CLIC5: variants seen among roughly 807,000 people sequenced by gnomAD.
CLIC5 encodes the protein CLIC family member 5, also known as chloride intracellular channel protein 5.
In CLIC5, 20 loss-of-function variants were observed where a neutral mutation model predicts 24.7. The ratio of observed to expected loss-of-function variants is 0.81; its 90% confidence interval spans 0.57 to 1.18. The LOEUF (loss-of-function observed/expected upper bound fraction) is 1.18. Among genes scored for constraint, CLIC5 ranks in the 50% most tolerant of loss-of-function variants. The pLI is 0.00. For missense variants in CLIC5, 341 were observed against 326.1 expected (o/e 1.05, Z -0.35); for synonymous variants, 159 against 135.6 (o/e 1.17, Z -1.20).
At chr6:45,943,340 A>C (rs1336528941) in intron 3 of CLIC5, among the ~76,000 whole-genome samples, 2 of 151,528 alleles carry the variant, frequency 1.3e-5, no homozygotes, top group East Asian at 3.9e-4. Flanking sequence ...GTCTCCATCC[A>C]TCAGGAGGGG....
intron 1 of CLIC5, among the ~76,000 whole-genome samples, chr6:46,031,845 T>A (rs1203846918): frequency 6.7e-6 from 1 of 149,776 alleles, no homozygotes; most frequent in African/African-American, 2.4e-5. Flanking sequence ...ATTTCATCTT[T>A]GTAAAATATA....
chr6:46,049,850 A>T (rs1768054797), intron 1 of CLIC5, among the ~76,000 whole-genome samples: 3 of 152,220 alleles, frequency 2.0e-5, no homozygotes, highest in Admixed American at 2.0e-4. Flanking sequence ...CCAAAATGGG[A>T]AATGCTGAGT....
chr6:46,056,225 G>A (rs188963819), intron 1 of CLIC5, among the ~76,000 whole-genome samples: 33 of 152,248 alleles, frequency 2.2e-4, no homozygotes, highest in Admixed American at 1.6e-3. Flanking sequence ...CCTCTTGTAT[G>A]GTGTTTTTTG....
At chr6:46,089,433 C>A in the CLIC5 span, among the ~76,000 whole-genome samples, 2 of 151,974 alleles carry the variant, frequency 1.3e-5, no homozygotes, top group African/African-American at 4.8e-5. Context: ...CATTCTAGAA[C>A]CCTATGCAAT....
intron 2 of CLIC5, among the ~76,000 whole-genome samples, chr6:45,951,555 T>C (rs1200232294): frequency 6.6e-6 from 1 of 151,914 alleles, no homozygotes; most frequent in African/African-American, 2.4e-5. Flanking sequence ...CTGGTCAGAA[T>C]GCAAGAGCAA....
intron 1 of CLIC5, among the ~76,000 whole-genome samples, chr6:45,971,835 C>T (rs1219729121): frequency 6.6e-6 from 1 of 152,094 alleles, no homozygotes. Context: ...AGAGAAGAGG[C>T]CTGCTGAAGA....
Position 45,914,415 on chromosome 6 carries a change from A to G in CLIC5, c.407-6T>C, listed in dbSNP as rs1226494851. The G allele has an allele frequency of 1.9e-6, 3 of 1,560,198 alleles. No homozygotes were observed. The highest frequency in any genetic ancestry group is 2.6e-6 in the Non-Finnish European group (3 of 1,143,548). On this transcript the variant is annotated splice_region_variant and splice_polypyrimidine_tract_variant and intron_variant, in intron 4 of 5. Coordinates refer to ENST00000339561, the MANE Select transcript of CLIC5 (RefSeq NM_016929.5). ...GGTTAGGCCTCTTTCAAGAGCTGGC[A>G]TGAAAGAGTAAAAGGGCCTTTATTC... is the stretch of plus-strand genomic sequence containing the variant.
At chr6:46,040,064 A>T (rs544328752) in intron 1 of CLIC5, among the ~76,000 whole-genome samples, 3 of 152,214 alleles carry the variant, frequency 2.0e-5, no homozygotes, top group Non-Finnish European at 4.4e-5. Flanking sequence ...GCATACAGCT[A>T]TTATACTTAA....
intron 1 of CLIC5, among the ~76,000 whole-genome samples, chr6:46,069,088 G>C (rs1405156699): frequency 6.6e-6 from 1 of 152,150 alleles, no homozygotes; most frequent in African/African-American, 2.4e-5. Flanking sequence ...TTGAAAGAGG[G>C]CAACTGGAGC....
At chr6:46,109,131 TATTA>T in the CLIC5 span, among the ~76,000 whole-genome samples, 7 of 152,214 alleles carry the variant, frequency 4.6e-5, no homozygotes, top group Non-Finnish European at 7.3e-5. Flanking sequence ...CAACTTTTCT[TATTA>T]ATTGTGTCTT....
At chr6:45,918,866 G>A (rs1420748822) in intron 4 of CLIC5, 5 of 766,424 alleles carry the variant, frequency 6.5e-6, no homozygotes, top group South Asian at 1.2e-4. Flanking sequence ...AACACACAAT[G>A]AGGCTATTGA....
upstream of CLIC5, among the ~76,000 whole-genome samples, chr6:46,082,289 A>G (rs1762940730): frequency 6.6e-6 from 1 of 152,240 alleles, no homozygotes; most frequent in Non-Finnish European, 1.5e-5. Context: ...GCCCAAGATC[A>G]AACAGATATT....
intron 3 of CLIC5, among the ~76,000 whole-genome samples, chr6:45,946,510 A>G (rs926408788): frequency 6.6e-6 from 1 of 152,246 alleles, no homozygotes; most frequent in African/African-American, 2.4e-5. Flanking sequence ...AGCTTTTACA[A>G]ATAGTGGTAT....
At position 45,926,415 on chromosome 6, in the gene CLIC5, AT is replaced by A. The variant is rs1230203093; in HGVS notation, c.407-12007del. Among the ~76,000 whole-genome samples the A allele has an allele frequency of 7.0e-3, 988 of 140,758 alleles. 7 individuals are homozygous for A. The highest frequency in any genetic ancestry group is 0.016 in the African/African-American group (603 of 38,604). The allele number at this position is 140,758 out of a possible 152,430, so 92.3% of individuals were successfully genotyped here. On this transcript the variant is annotated intron_variant, in intron 4 of 5. Coordinates refer to ENST00000339561, the MANE Select transcript of CLIC5 (RefSeq NM_016929.5). ...GGCACCCGCCACCACACCCGGCTAA[AT>A]TTTTTTTTTTTTTGTATTTTTAGTA...
chr6:46,070,787 G>C (rs2127474554), intron 1 of CLIC5, among the ~76,000 whole-genome samples: 1 of 152,074 alleles, frequency 6.6e-6, no homozygotes, highest in African/African-American at 2.4e-5. Flanking sequence ...TAAGCAAAAA[G>C]AACAAAGCTG....
chr6:45,965,212 A>C (rs1764978344), intron 1 of CLIC5, among the ~76,000 whole-genome samples: 3 of 152,226 alleles, frequency 2.0e-5, no homozygotes, highest in African/African-American at 7.2e-5. Context: ...TGCATTTACT[A>C]TGAAGGGAGA....
At chr6:45,961,344 T>C (rs1475029837) in intron 1 of CLIC5, among the ~76,000 whole-genome samples, 1 of 152,220 alleles carries the variant, frequency 6.6e-6, no homozygotes, top group Non-Finnish European at 1.5e-5. Context: ...ATACTCCAGT[T>C]CTTTCTTTTT....
At chr6:46,113,101 A>G in the CLIC5 span, among the ~76,000 whole-genome samples, 1 of 152,036 alleles carries the variant, frequency 6.6e-6, no homozygotes, top group African/African-American at 2.4e-5. Flanking sequence ...GTTGTTAAGG[A>G]TGATGTATAT....
rs554296766 is a variant in CLIC5, at chr6:45,904,612, T to C, written c.589-1357A>G. On this transcript the variant is annotated intron_variant, in intron 5 of 5. Transcript: ENST00000339561. ...GGGTAGGGGTAACAGGAGAGTAGTA[T>C]CACTTCTGACTCCCCTCCCTCCCTC... Among the ~76,000 whole-genome samples, 6 of 8,176 alleles carry C rather than the reference T, an allele frequency of 7.3e-4. No homozygotes were observed. The East Asian group carries it at 0.01, about 14-fold the overall frequency. The allele number at this position is 8,176 out of a possible 152,430, so 5.4% of individuals were successfully genotyped here. A position where few individuals can be genotyped will look rare whatever the true frequency, so the allele number is the denominator to read the frequency against.
Sources: allele counts gnomAD v4.1 joint callset (sites outside exome capture counted in the v4.1 genomes callset), GRCh38; gene constraint gnomAD v4.1.1; transcripts MANE v1.5; gene names NCBI Gene and HGNC (gene_info 2026-07-23, HGNC 2026-07-21).